Variants in ELOVL5 observed in about 807,000 individuals in gnomAD.
The protein encoded by ELOVL5 is very long chain fatty acid elongase 5.
In ELOVL5, 8 loss-of-function variants were observed where a neutral mutation model predicts 38.6. The ratio of observed to expected loss-of-function variants is 0.21; its 90% CI spans 0.12 to 0.37. ELOVL5 has a LOEUF of 0.37. Ranked by LOEUF, ELOVL5 falls within the 10% of genes least tolerant of loss-of-function variation. The pLI is 1.00. For synonymous variants in ELOVL5, 127 were observed against 133.7 expected (o/e 0.95, Z 0.34); for missense variants, 280 against 367.8 (o/e 0.76, Z 1.95).
intron 1 of ELOVL5, among the ~76,000 whole-genome samples, chr6:53,299,510 G>C (rs1193535294): frequency 6.6e-6 from 1 of 152,184 alleles, no homozygotes; most frequent in Non-Finnish European, 1.5e-5. Context: ...AAATGCCTAG[G>C]ACATAGTCCA....
chr6:53,346,236 C>A (rs9382200), intron 1 of ELOVL5, among the ~76,000 whole-genome samples: 55,475 of 152,024 alleles, frequency 0.36, 11,293 homozygotes, highest in African/African-American at 0.56. Flanking sequence ...GCAAAAGACA[C>A]GAACTCATCT....
chr6:53,288,019 T>C (rs970582758), intron 3 of ELOVL5: 78 of 1,195,288 alleles, frequency 6.5e-5, no homozygotes, highest in African/African-American at 3.3e-4. Context: ...AGTAGACACA[T>C]TGAATGGCTT....
chr6:53,270,742 G>A lies in ELOVL5; in HGVS notation c.622-15C>T, dbSNP rs1175581067. 7 of 1,613,962 alleles carry A rather than the reference G, an allele frequency of 4.3e-6. No homozygotes were observed. The highest frequency in any genetic ancestry group is 4.5e-5 in the East Asian group (2 of 44,896). On this transcript the variant is annotated splice_polypyrimidine_tract_variant and intron_variant, in intron 6 of 7. Coordinates refer to ENST00000304434, the MANE Select transcript of ELOVL5 (RefSeq NM_021814.5). ...ACAAACTGAAGCTAGGGGAACAGAG[G>A]GGATGCAGCTGAACAGGGACAGTGC...
intron 1 of ELOVL5, among the ~76,000 whole-genome samples, chr6:53,331,147 C>T (rs918434278): frequency 2.0e-5 from 3 of 152,040 alleles, no homozygotes; most frequent in Non-Finnish European, 4.4e-5. Flanking sequence ...CTGGGCAACA[C>T]AGTGGGACCC....
intron 1 of ELOVL5, among the ~76,000 whole-genome samples, chr6:53,332,017 A>G (rs1768826115): frequency 6.6e-6 from 1 of 152,156 alleles, no homozygotes; most frequent in South Asian, 2.1e-4. Flanking sequence ...GAGAGATGCC[A>G]GGCTCTTTTA....
intron 1 of ELOVL5, among the ~76,000 whole-genome samples, chr6:53,343,088 A>G (rs1446339488): frequency 6.6e-6 from 1 of 152,212 alleles, no homozygotes; most frequent in Non-Finnish European, 1.5e-5. Context: ...TCAGGTCAGG[A>G]TAGGCCAGAA....
chr6:53,295,729 CT>C, intron 1 of ELOVL5, 22 bp from the exon 2 acceptor site: 1 of 1,408,876 alleles, frequency 7.1e-7, no homozygotes, highest in Non-Finnish European at 9.7e-7. Context: ...AAAAAAGATA[CT>C]GATTAATCTC....
chr6:53,306,381 G>GA (rs1767576904), intron 1 of ELOVL5, among the ~76,000 whole-genome samples: 1 of 40,058 alleles, frequency 2.5e-5, no homozygotes, highest in African/African-American at 3.2e-4. Flanking sequence ...GAGGGAGAGG[G>GA]GAGAGAGAGA....
chr6:53,334,207 C>T (rs1375280075), intron 1 of ELOVL5, among the ~76,000 whole-genome samples: 2 of 152,050 alleles, frequency 1.3e-5, no homozygotes, highest in South Asian at 4.1e-4. Flanking sequence ...CCCATTTCCC[C>T]TTTTCCAGCA....
At chr6:53,297,545 T>C (rs1767057834) in intron 1 of ELOVL5, among the ~76,000 whole-genome samples, 1 of 152,202 alleles carries the variant, frequency 6.6e-6, no homozygotes, top group South Asian at 2.1e-4. Flanking sequence ...CCTTCTGGGT[T>C]ATCAGATCAA....
At chr6:53,318,409 GTTCATGTAC>G (rs1768144805) in intron 1 of ELOVL5, among the ~76,000 whole-genome samples, 1 of 152,164 alleles carries the variant, frequency 6.6e-6, no homozygotes, top group Non-Finnish European at 1.5e-5. Context: ...AGATGAGATG[GTTCATGTAC>G]AGCATTTAGC....
In ELOVL5 at chr6:53,269,286, GC is replaced by G; in HGVS notation, c.757-17del. 1 of 1,574,134 alleles carries G rather than the reference GC, an allele frequency of 6.4e-7. No individual in the cohort carries two copies. The highest frequency in any genetic ancestry group is 1.1e-5 in the South Asian group (1 of 87,028). On this transcript the variant is annotated splice_polypyrimidine_tract_variant and intron_variant, in intron 7 of 7. Transcript: ENST00000304434. ...TGTTGTAGGTCTAAAATGTGTAAGG[GC>G]AGATGAGAACCAAATGACCACAGTT...
chr6:53,305,421 G>A (rs996663964), intron 1 of ELOVL5, among the ~76,000 whole-genome samples: 4 of 148,812 alleles, frequency 2.7e-5, no homozygotes, highest in East Asian at 2.1e-4. Flanking sequence ...GCTGCCGGGC[G>A]GAGACGCTCC....
chr6:53,288,562 A>C (rs1399841593), intron 3 of ELOVL5, among the ~76,000 whole-genome samples: 2 of 152,200 alleles, frequency 1.3e-5, no homozygotes, highest in Non-Finnish European at 2.9e-5. Context: ...ATAAACACTA[A>C]AGTTAATGAG....
intron 1 of ELOVL5, among the ~76,000 whole-genome samples, chr6:53,341,812 A>G (rs1205891659): frequency 2.6e-5 from 4 of 152,214 alleles, no homozygotes; most frequent in African/African-American, 4.8e-5. Flanking sequence ...CGTTTTTACT[A>G]TGCTAATTAA....
At chr6:53,300,331 C>T (rs1767200336) in intron 1 of ELOVL5, among the ~76,000 whole-genome samples, 1 of 152,164 alleles carries the variant, frequency 6.6e-6, no homozygotes, top group Non-Finnish European at 1.5e-5. Context: ...ATTCATACCA[C>T]ACACCGAGTG....
chr6:53,310,629 G>A (rs928905012), intron 1 of ELOVL5, among the ~76,000 whole-genome samples: 4 of 152,080 alleles, frequency 2.6e-5, no homozygotes, highest in African/African-American at 7.2e-5. Flanking sequence ...TGGAGACAGG[G>A]TCTCGCTCTG....
intron 1 of ELOVL5, among the ~76,000 whole-genome samples, chr6:53,340,829 A>G (rs566605900): frequency 1.3e-5 from 2 of 152,326 alleles, no homozygotes; most frequent in South Asian, 4.1e-4. Flanking sequence ...CATGACTTGT[A>G]CGACTTGTAC....
At chr6:53,309,932 G>A (rs368971284) in intron 1 of ELOVL5, among the ~76,000 whole-genome samples, 82 of 152,276 alleles carry the variant, frequency 5.4e-4, no homozygotes, top group African/African-American at 1.9e-3. Flanking sequence ...TGGGACTTCT[G>A]ACCCTCAGAA....
Sources: allele counts gnomAD v4.1 joint callset (sites outside exome capture counted in the v4.1 genomes callset), GRCh38; gene constraint gnomAD v4.1.1; transcripts MANE v1.5; gene names NCBI Gene and HGNC (gene_info 2026-07-23, HGNC 2026-07-21).